The following MLLT10 variants were observed in gnomAD, a reference collection of about 807,000 sequenced individuals.
The protein encoded by MLLT10 is protein AF-10.
Under a neutral mutation model 129.1 loss-of-function variants are expected in MLLT10, and 30 were observed. The ratio of observed to expected loss-of-function variants is 0.23; its 90% CI spans 0.17 to 0.32. The LOEUF is 0.32. Among genes scored for constraint, MLLT10 ranks in the 10% least tolerant of loss-of-function variants. The pLI is 1.00. For synonymous variants in MLLT10, 490 were observed against 446.4 expected, an observed-to-expected ratio of 1.10 and a Z score of -1.23; for missense variants, 1,119 against 1,268.3, an observed-to-expected ratio of 0.88 and a Z score of 1.79.
intron 3 of MLLT10, chr10:21,551,772 TTAAGTC>T (rs889602494): frequency 5.0e-6 from 2 of 399,968 alleles, no homozygotes; most frequent in African/African-American, 2.2e-5. Flanking sequence ...TTTTTTTAAA[TTAAGTC>T]TAATAGTTTC....
At chr10:21,612,561 G>A in intron 6 of MLLT10, 110 bp downstream of exon 6, 1 of 552,660 alleles carries the variant, frequency 1.8e-6, no homozygotes, top group East Asian at 3.0e-5. Context: ...AACTTTATTG[G>A]TATAGTTTCT....
intron 5 of MLLT10, among the ~76,000 whole-genome samples, chr10:21,611,537 A>G (rs1249899698): frequency 2.0e-5 from 3 of 152,174 alleles, no homozygotes; most frequent in South Asian, 4.1e-4. Flanking sequence ...GTAGTTAGAC[A>G]TAACTTTTTG....
chr10:21,684,671 A>ATC (rs2053106101), intron 13 of MLLT10, among the ~76,000 whole-genome samples: 1 of 152,196 alleles, frequency 6.6e-6, no homozygotes, highest in South Asian at 2.1e-4. Context: ...TTGATGGTCA[A>ATC]TCTAAAGTGC....
chr10:21,662,309 T>C (rs1043944939), intron 9 of MLLT10, among the ~76,000 whole-genome samples: 1 of 152,226 alleles, frequency 6.6e-6, no homozygotes, highest in African/African-American at 2.4e-5. Context: ...ATATTGCTTC[T>C]TCTCTTTTCT....
Position 21,534,669 on chromosome 10 carries a change from T to TC in MLLT10, c.26dup (p.Leu10ThrfsTer8). The TC allele has an allele frequency of 6.2e-7, 1 of 1,612,026 alleles. No individual in the cohort carries two copies. On this transcript the variant is annotated frameshift_variant, in exon 2 of 23. Transcript: ENST00000307729. LOFTEE classifies it high-confidence loss of function. ...GATGGTCTCTAGCGACCGGCCCGTG[T>TC]CACTGGAGGACGAGGTCTCCCATAG...
intron 5 of MLLT10, among the ~76,000 whole-genome samples, chr10:21,604,010 G>T (rs1438302086): frequency 1.3e-5 from 2 of 151,868 alleles, no homozygotes; most frequent in Non-Finnish European, 2.9e-5. Context: ...TCCAAATAAG[G>T]TTACTGTGTA....
intron 8 of MLLT10, among the ~76,000 whole-genome samples, chr10:21,629,423 C>T (rs577241289): frequency 2.5e-4 from 38 of 152,168 alleles, no homozygotes; most frequent in African/African-American, 7.7e-4. Context: ...ATAGGTAAGC[C>T]TGTTCAGTAC....
intron 3 of MLLT10, 149 bp from the exon 4 acceptor site, chr10:21,586,145 G>A (rs1176156544): frequency 1.5e-6 from 1 of 682,596 alleles, no homozygotes; most frequent in Admixed American, 2.8e-5. Context: ...AAGAACAACT[G>A]TTTGTGAAGA....
At chr10:21,729,927 T>C (rs1158754237) in intron 16 of MLLT10, among the ~76,000 whole-genome samples, 1 of 152,202 alleles carries the variant, frequency 6.6e-6, no homozygotes, top group Non-Finnish European at 1.5e-5. Flanking sequence ...ATTTGAAGTA[T>C]AGATCTAAGA....
chr10:21,630,774 C>T (rs1193283862), intron 8 of MLLT10, among the ~76,000 whole-genome samples: 5 of 152,178 alleles, frequency 3.3e-5, no homozygotes, highest in Admixed American at 6.5e-5. Flanking sequence ...TAACTTGTCA[C>T]TTTACAAGTA....
intron 5 of MLLT10, among the ~76,000 whole-genome samples, chr10:21,607,671 G>T (rs2044198086): frequency 6.6e-6 from 1 of 152,012 alleles, no homozygotes; most frequent in African/African-American, 2.4e-5. Context: ...TTGTATTATT[G>T]TCACATTTGT....
intron 3 of MLLT10, among the ~76,000 whole-genome samples, chr10:21,576,923 G>T (rs955712540): frequency 6.6e-6 from 1 of 152,142 alleles, no homozygotes; most frequent in Non-Finnish European, 1.5e-5. Context: ...GGGCCACTGC[G>T]CCCGGCCAAT....
rs368257266 is a variant in MLLT10 at position 21,735,204 on chromosome 10, A to G, written c.2924A>G (p.Gln975Arg). The stretch of plus-strand genomic sequence containing the variant: ...ATACTTATTCATCAACAGCAGTTTC[A>G]GCAGTTGTTAAATTCTCAACAGCTC... ...RQILIHQQQF[Q>R]QLLNSQQLTP... The change falls in exon 21 of 23, where the codon CAG becomes CGG. Residue 975 changes from glutamine to arginine, a missense_variant. Physicochemically the swap from Gln to Arg is conservative, Grantham distance 43. Coordinates refer to ENST00000307729, the MANE Select transcript of MLLT10 (RefSeq NM_001195626.3). 2 of 1,613,876 alleles carry G rather than the reference A, an allele frequency of 1.2e-6. No homozygotes were observed. The highest frequency in any genetic ancestry group is 2.7e-5 in the African/African-American group (2 of 74,938).
chr10:21,621,361 C>T (rs2131228807), intron 8 of MLLT10, among the ~76,000 whole-genome samples: 1 of 151,586 alleles, frequency 6.6e-6, no homozygotes, highest in Non-Finnish European at 1.5e-5. Context: ...TTTCCTGCCT[C>T]AGCCTCCCGA....
At chr10:21,574,182 T>G (rs1244052133) in intron 3 of MLLT10, among the ~76,000 whole-genome samples, 1 of 152,232 alleles carries the variant, frequency 6.6e-6, no homozygotes, top group Non-Finnish European at 1.5e-5. Context: ...ATTTTCTGTT[T>G]TATCAGTTTT....
intron 13 of MLLT10, among the ~76,000 whole-genome samples, chr10:21,710,228 C>T (rs939084496): frequency 6.6e-6 from 1 of 152,114 alleles, no homozygotes; most frequent in Non-Finnish European, 1.5e-5. Flanking sequence ...TGTTCCTTGG[C>T]CTTGACCATT....
At chr10:21,688,374 G>T in intron 13 of MLLT10, 1 of 788,368 alleles carries the variant, frequency 1.3e-6, no homozygotes, top group Non-Finnish European at 2.1e-6. Context: ...TAACCCTGAT[G>T]ATCCACCCCC....
intron 8 of MLLT10, among the ~76,000 whole-genome samples, chr10:21,619,113 T>G (rs993737272): frequency 6.6e-6 from 1 of 151,864 alleles, no homozygotes; most frequent in African/African-American, 2.4e-5. Flanking sequence ...ATATCTTGAT[T>G]TCTTTTTGAG....
At chr10:21,631,125 A>G (rs991951671) in intron 8 of MLLT10, among the ~76,000 whole-genome samples, 3 of 152,002 alleles carry the variant, frequency 2.0e-5, no homozygotes, top group Non-Finnish European at 4.4e-5. Context: ...CCTGGCTAAC[A>G]TGGTGAAACC....
Sources: allele counts gnomAD v4.1 joint callset (sites outside exome capture counted in the v4.1 genomes callset), GRCh38; gene constraint gnomAD v4.1.1; transcripts MANE v1.5; gene names NCBI Gene and HGNC (gene_info 2026-07-23, HGNC 2026-07-21).